IRAG1: variants seen among roughly 807,000 people sequenced by gnomAD.
IRAG1 encodes inositol 1,4,5-triphosphate receptor associated 1, also known as IP3R-associated cGMP kinase substrate.
Under a neutral mutation model 106.2 loss-of-function variants are expected in IRAG1, and 62 were observed. The ratio of observed to expected loss-of-function variants is 0.58; its 90% CI spans 0.48 to 0.72. The LOEUF is 0.72. Among genes scored for constraint, IRAG1 ranks in the 30% least tolerant of loss-of-function variants. The pLI is 0.00. For synonymous variants in IRAG1, 462 were observed against 443.9 expected (o/e 1.04, Z -0.51); for missense variants, 1,064 against 1,140.7 (o/e 0.93, Z 0.97).
In IRAG1 at chr11:10,582,004, G is replaced by T. The variant is rs150024466; in HGVS notation, c.2241-18C>A. 5 of 1,599,970 alleles carry T rather than the reference G, an allele frequency of 3.1e-6. No individual in the cohort carries two copies. The highest frequency in any genetic ancestry group is 4.3e-6 in the Non-Finnish European group (5 of 1,172,710). ...TCTTTCCACTAGTGAGAAGAGGGAA[G>T]TACAGGGCATCATTTCAGAAAAAGG... On this transcript the variant is annotated intron_variant, in intron 18 of 20. Transcript: ENST00000423302.
chr11:10,642,944 G>A (rs1050008653), intron 2 of IRAG1, among the ~76,000 whole-genome samples: 2 of 152,092 alleles, frequency 1.3e-5, no homozygotes, highest in East Asian at 3.9e-4. Flanking sequence ...GCATGGCCTC[G>A]GTGGATCACA....
intron 18 of IRAG1, among the ~76,000 whole-genome samples, chr11:10,590,526 A>T (rs1170410283): frequency 6.6e-6 from 1 of 152,204 alleles, no homozygotes; most frequent in Non-Finnish European, 1.5e-5. Context: ...CTAACAGCAA[A>T]GAAAAACAAA....
At chr11:10,622,386 GA>G (rs1855901370) in intron 10 of IRAG1, among the ~76,000 whole-genome samples, 1 of 152,118 alleles carries the variant, frequency 6.6e-6, no homozygotes, top group African/African-American at 2.4e-5. Flanking sequence ...TGGCCTGTTG[GA>G]AACACTCATC....
At chr11:10,649,311 T>G (rs60189142) in intron 2 of IRAG1, among the ~76,000 whole-genome samples, 5,168 of 152,252 alleles carry the variant, frequency 0.034, 266 homozygotes, top group African/African-American at 0.12. Context: ...AAAGTTGAGT[T>G]TGATGTGGCC....
intron 20 of IRAG1, among the ~76,000 whole-genome samples, chr11:10,579,755 T>C (rs1398939446): frequency 2.0e-5 from 3 of 152,212 alleles, no homozygotes; most frequent in Non-Finnish European, 4.4e-5. Context: ...AATTAGGTCA[T>C]TTCTACGATT....
At chr11:10,610,694 T>C (rs1413623028) in intron 10 of IRAG1, among the ~76,000 whole-genome samples, 1 of 152,204 alleles carries the variant, frequency 6.6e-6, no homozygotes, top group Non-Finnish European at 1.5e-5. Context: ...TAACAAGATC[T>C]TAGCACAGGA....
chr11:10,637,536 C>T (rs1471854451), intron 2 of IRAG1, among the ~76,000 whole-genome samples: 1 of 152,194 alleles, frequency 6.6e-6, no homozygotes, highest in African/African-American at 2.4e-5. Flanking sequence ...GGCCTGCTCT[C>T]TCTCACAGGA....
intron 1 of IRAG1, among the ~76,000 whole-genome samples, chr11:10,692,394 G>A (rs185694840): frequency 6.6e-5 from 10 of 152,242 alleles, no homozygotes; most frequent in South Asian, 6.2e-4. Flanking sequence ...TCCTAGCTCC[G>A]CTCCATCTTG....
chr11:10,584,192 A>G (rs888945526), intron 18 of IRAG1, among the ~76,000 whole-genome samples: 4 of 152,168 alleles, frequency 2.6e-5, no homozygotes, highest in Non-Finnish European at 5.9e-5. Context: ...AGAGCTTTCC[A>G]GCCAGGACTC....
intron 14 of IRAG1, 45 bp downstream of exon 14, chr11:10,603,075 G>A (rs374223766): frequency 2.5e-5 from 39 of 1,584,180 alleles, no homozygotes; most frequent in Middle Eastern, 1.7e-4. Flanking sequence ...TCTACTTTAC[G>A]TAGGTGGAAC....
intron 15 of IRAG1, among the ~76,000 whole-genome samples, chr11:10,597,682 T>A (rs1362812256): frequency 6.6e-6 from 1 of 152,202 alleles, no homozygotes; most frequent in Non-Finnish European, 1.5e-5. Context: ...AAGCTTATCT[T>A]AAAAAAATTG....
chr11:10,610,047 C>T (rs959706073), intron 10 of IRAG1, among the ~76,000 whole-genome samples, 196 bp from the exon 11 acceptor site: 1 of 152,166 alleles, frequency 6.6e-6, no homozygotes, highest in Admixed American at 6.5e-5. Context: ...CAAGGCTCAG[C>T]AAGGTTAAGT....
rs76428011 is a variant in IRAG1 at position 10,574,566 on chromosome 11, G to T, written c.*1766C>A. ...CCTATTATGTTGTGTCTGGTGAGGA[G>T]TATGGAAGGAAGGTCATCAAAGCTG... On this transcript the variant is annotated 3_prime_UTR_variant, in exon 21 of 21. Transcript: ENST00000423302. 4 of 152,198 alleles carry T rather than the reference G, an allele frequency of 2.6e-5. No individual in the cohort carries two copies. In the East Asian group the frequency reaches 7.7e-4, roughly 29 times the overall value. The allele number at this position is 152,198 out of a possible 1,614,324, so 9.4% of individuals were successfully genotyped here. A position where few individuals can be genotyped will look rare whatever the true frequency, so the allele number is the denominator to read the frequency against.
chr11:10,688,861 C>T (rs116598948), intron 1 of IRAG1, among the ~76,000 whole-genome samples: 66 of 152,264 alleles, frequency 4.3e-4, no homozygotes, highest in African/African-American at 1.6e-3. Flanking sequence ...ACTGAAACCC[C>T]GGTTGGCCAT....
At chr11:10,603,678 G>A (rs1564902736) in intron 13 of IRAG1, among the ~76,000 whole-genome samples, 1 of 152,250 alleles carries the variant, frequency 6.6e-6, no homozygotes, top group African/African-American at 2.4e-5. Context: ...GCTGACTTTT[G>A]GGGGGACATA....
rs1376564480 is a variant in IRAG1 at position 10,662,333 on chromosome 11, T to C, written c.68-10151A>G. Among the ~76,000 whole-genome samples the C allele has an allele frequency of 3.9e-5, 6 of 152,130 alleles. No homozygotes were observed. In the South Asian group the frequency reaches 1.2e-3, roughly 32 times the overall value. On this transcript the variant is annotated intron_variant, in intron 1 of 20. Coordinates refer to ENST00000423302, the MANE Select transcript of IRAG1 (RefSeq NM_130385.4). Reference sequence around the variant, plus strand: ...CTCATTCTCATTGAGCTTCCCCAGGTTAATGGCCAAGTTTTTCTCTCTCTC... The same window carrying C: ...CTCATTCTCATTGAGCTTCCCCAGGCTAATGGCCAAGTTTTTCTCTCTCTC...
chr11:10,676,271 T>C (rs1169045359), intron 1 of IRAG1, among the ~76,000 whole-genome samples: 4 of 152,236 alleles, frequency 2.6e-5, no homozygotes, highest in Non-Finnish European at 5.9e-5. Flanking sequence ...AGCTAACGGT[T>C]TCTCCGTCAG....
chr11:10,687,769 A>G, intron 1 of IRAG1: 3 of 1,289,058 alleles, frequency 2.3e-6, no homozygotes, highest in Non-Finnish European at 3.0e-6. Flanking sequence ...AGTCTTCTTG[A>G]TGGAATCTCT....
chr11:10,635,858 GC>G (rs1305465363), intron 2 of IRAG1, among the ~76,000 whole-genome samples: 28 of 152,154 alleles, frequency 1.8e-4, no homozygotes, highest in African/African-American at 6.8e-4. Flanking sequence ...GAAACCCAGA[GC>G]CAGATCCTTG....
Sources: allele counts gnomAD v4.1 joint callset (sites outside exome capture counted in the v4.1 genomes callset), GRCh38; gene constraint gnomAD v4.1.1; transcripts MANE v1.5; gene names NCBI Gene and HGNC (gene_info 2026-07-23, HGNC 2026-07-21).